NRXN3: variants seen among roughly 807,000 people sequenced by gnomAD.
The protein encoded by NRXN3 is neurexin III.
In NRXN3, 32 loss-of-function variants were observed where a neutral mutation model predicts 137.6. The observed-to-expected ratio is 0.23, with a 90% CI of 0.18 to 0.31. The LOEUF is 0.31. NRXN3 is among the 10% of genes least tolerant of loss of function. The pLI, the probability that NRXN3 is intolerant of heterozygous loss-of-function variation, is 1.00. For synonymous variants in NRXN3, 798 were observed against 784.5 expected (o/e 1.02, Z -0.29); for missense variants, 1,574 against 2,062.5 (o/e 0.76, Z 4.59).
intron 10 of NRXN3, among the ~76,000 whole-genome samples, chr14:78,883,354 A>G (rs1018238781): frequency 6.6e-6 from 1 of 152,206 alleles, no homozygotes. Flanking sequence ...GTTAATTGAG[A>G]TAATTAATAA....
intron 16 of NRXN3, among the ~76,000 whole-genome samples, chr14:79,472,375 TA>T (rs2096520981): frequency 6.6e-6 from 1 of 152,304 alleles, no homozygotes; most frequent in African/African-American, 2.4e-5. Flanking sequence ...TTGGTCATTT[TA>T]AAAAATCAGA....
At chr14:79,148,164 A>G (rs1051316419) in intron 15 of NRXN3, among the ~76,000 whole-genome samples, 2 of 152,044 alleles carry the variant, frequency 1.3e-5, no homozygotes, top group African/African-American at 4.8e-5. Flanking sequence ...GCAAGTGAAC[A>G]GATAAGTTAG....
intron 15 of NRXN3, among the ~76,000 whole-genome samples, chr14:79,393,056 G>A (rs1442339478): frequency 2.0e-5 from 3 of 151,936 alleles, no homozygotes; most frequent in Non-Finnish European, 2.9e-5. Flanking sequence ...ACTGTTGGTG[G>A]GAGTGTAAAT....
chr14:79,359,349 A>T (rs953084861), intron 15 of NRXN3, among the ~76,000 whole-genome samples: 6 of 152,200 alleles, frequency 3.9e-5, no homozygotes, highest in Admixed American at 3.3e-4. Context: ...CTACAGAGTT[A>T]TTTTCTGCAT....
intron 19 of NRXN3, among the ~76,000 whole-genome samples, chr14:79,787,654 C>A (rs545109135): frequency 3.3e-5 from 5 of 152,268 alleles, no homozygotes; most frequent in Non-Finnish European, 7.4e-5. Context: ...CGGGATTTGT[C>A]TCTCTGTGCC....
At chr14:79,509,541 A>ATATG (rs1555495681) in intron 16 of NRXN3, among the ~76,000 whole-genome samples, 1 of 148,742 alleles carries the variant, frequency 6.7e-6, no homozygotes, top group Non-Finnish European at 1.5e-5. Flanking sequence ...TATTATATAT[A>ATATG]TGTGTGTGTG....
chr14:78,691,129 G>A (rs1379552835), intron 6 of NRXN3, among the ~76,000 whole-genome samples: 2 of 152,150 alleles, frequency 1.3e-5, no homozygotes, highest in Non-Finnish European at 2.9e-5. Context: ...GAAGGAGTGA[G>A]AGAAATGCCA....
chr14:78,326,590 T>C (rs1455185040), intron 4 of NRXN3, among the ~76,000 whole-genome samples: 1 of 152,044 alleles, frequency 6.6e-6, no homozygotes, highest in Admixed American at 6.6e-5. Flanking sequence ...GTATACATCG[T>C]GGTGGGGTGC....
chr14:79,391,025 T>C (rs2094827517), intron 15 of NRXN3, among the ~76,000 whole-genome samples: 1 of 152,142 alleles, frequency 6.6e-6, no homozygotes, highest in Non-Finnish European at 1.5e-5. Flanking sequence ...TGTAGGCCCT[T>C]CGACCTTGGA....
intron 15 of NRXN3, among the ~76,000 whole-genome samples, chr14:79,100,126 C>T (rs2051002641): frequency 6.6e-6 from 1 of 152,172 alleles, no homozygotes; most frequent in Non-Finnish European, 1.5e-5. Flanking sequence ...TAATTTTGTA[C>T]ATTGCTTCTC....
intron 16 of NRXN3, among the ~76,000 whole-genome samples, chr14:79,602,736 CT>C (rs34865213): frequency 0.032 from 4,646 of 146,304 alleles, 257 homozygotes; most frequent in East Asian, 0.26. Flanking sequence ...TAGAGAGGAG[CT>C]TTTTTTTTTT....
intron 15 of NRXN3, among the ~76,000 whole-genome samples, chr14:79,186,615 G>T (rs1012635432): frequency 6.6e-6 from 1 of 152,088 alleles, no homozygotes; most frequent in Admixed American, 6.6e-5. Context: ...TTAATTTTTG[G>T]TGAGGAGTAA....
At chr14:78,562,795 A>C (rs2096799503) in intron 4 of NRXN3, among the ~76,000 whole-genome samples, 1 of 152,234 alleles carries the variant, frequency 6.6e-6, no homozygotes, top group South Asian at 2.1e-4. Flanking sequence ...AAAAATATAA[A>C]GTGATAGATA....
chr14:79,632,366 G>A (rs1433438465), intron 16 of NRXN3: 1 of 152,890 alleles, frequency 6.5e-6, no homozygotes, highest in African/African-American at 2.4e-5. Flanking sequence ...GTTGGAGAAG[G>A]TCCTTGGGAG....
intron 4 of NRXN3, among the ~76,000 whole-genome samples, chr14:78,640,831 A>G (rs773209936): frequency 1.6e-4 from 24 of 152,358 alleles, no homozygotes; most frequent in Non-Finnish European, 2.4e-4. Flanking sequence ...CAGTGAGAAT[A>G]ATACTTTTCA....
intron 20 of NRXN3, among the ~76,000 whole-genome samples, chr14:79,831,286 T>C (rs2099322549): frequency 1.3e-5 from 2 of 152,244 alleles, no homozygotes; most frequent in Admixed American, 6.5e-5. Context: ...TAATCTTGTT[T>C]AGTCACTTAA....
At chr14:78,447,040 T>C (rs971898054) in intron 4 of NRXN3, among the ~76,000 whole-genome samples, 11 of 152,168 alleles carry the variant, frequency 7.2e-5, no homozygotes, top group Non-Finnish European at 1.0e-4. Context: ...AAGCAGATGG[T>C]ACTACATGGT....
chr14:79,713,809 G>A (rs2098814499), intron 19 of NRXN3, among the ~76,000 whole-genome samples: 1 of 150,702 alleles, frequency 6.6e-6, no homozygotes, highest in Non-Finnish European at 1.5e-5. Context: ...TAAATAATAT[G>A]TATAAACCCT....
intron 16 of NRXN3, among the ~76,000 whole-genome samples, chr14:79,659,902 G>A (rs900710695): frequency 1.6e-4 from 25 of 152,126 alleles, no homozygotes; most frequent in Admixed American, 1.2e-3. Flanking sequence ...ATGATGGGTG[G>A]TTCCTTCTCC....
Sources: gnomAD v4.1 joint callset for allele counts (sites outside exome capture counted in the v4.1 genomes callset) on GRCh38, gnomAD v4.1.1 for gene constraint, MANE v1.5 for transcripts, NCBI Gene and HGNC (gene_info 2026-07-23, HGNC 2026-07-21) for gene names.